PAK5: variants seen among roughly 807,000 people sequenced by gnomAD.
PAK5 encodes the protein serine/threonine-protein kinase PAK 5.
A neutral mutation model predicts 65.9 loss-of-function variants in PAK5; 16 were observed. That is an observed-to-expected ratio of 0.24 (90% CI 0.16 to 0.37). PAK5 has a LOEUF of 0.37. Among genes scored for constraint, PAK5 ranks in the 10% least tolerant of loss-of-function variants. The pLI, the probability that PAK5 is intolerant of heterozygous loss-of-function variation, is 1.00. For missense variants in PAK5, 785 were observed against 903.9 expected (o/e 0.87, Z 1.69); for synonymous variants, 371 against 354.9 (o/e 1.05, Z -0.51).
At chr20:9,610,032 A>G (rs953114901) in intron 3 of PAK5, among the ~76,000 whole-genome samples, 3 of 152,118 alleles carry the variant, frequency 2.0e-5, no homozygotes, top group African/African-American at 2.4e-5. Flanking sequence ...TTTGTTTTCT[A>G]AGAACAACAC....
intron 3 of PAK5, among the ~76,000 whole-genome samples, chr20:9,599,412 C>A (rs1189087245): frequency 1.3e-5 from 2 of 152,208 alleles, no homozygotes; most frequent in African/African-American, 4.8e-5. Context: ...GTTTAACCTT[C>A]TGAAGAATCA....
At chr20:9,557,564 A>G (rs773045795) in intron 7 of PAK5, 44 bp downstream of exon 7, 1 of 1,553,284 alleles carries the variant, frequency 6.4e-7, no homozygotes, top group South Asian at 1.2e-5. Context: ...TGACAGACAG[A>G]GTGACAAGAA....
At chr20:9,783,425 C>T (rs1284692540) in intron 1 of PAK5, among the ~76,000 whole-genome samples, 1 of 152,106 alleles carries the variant, frequency 6.6e-6, no homozygotes, top group African/African-American at 2.4e-5. Flanking sequence ...ATTTGAACAC[C>T]AGATTCTTTT....
At chr20:9,646,335 C>G (rs147269603) in intron 2 of PAK5, among the ~76,000 whole-genome samples, 25 of 152,176 alleles carry the variant, frequency 1.6e-4, no homozygotes, top group African/African-American at 4.8e-4. Context: ...CCCTGGACTC[C>G]GTCAAAACCC....
intron 1 of PAK5, among the ~76,000 whole-genome samples, chr20:9,768,982 G>A (rs142673030): frequency 2.0e-5 from 3 of 151,982 alleles, no homozygotes; most frequent in Non-Finnish European, 2.9e-5. Flanking sequence ...TAATTGCCCC[G>A]TTCATTTCTT....
chr20:9,708,338 TAAA>T (rs1205744084), intron 2 of PAK5, among the ~76,000 whole-genome samples: 1 of 152,156 alleles, frequency 6.6e-6, no homozygotes, highest in East Asian at 1.9e-4. Flanking sequence ...ATCTCTAAAT[TAAA>T]GACCGGAATA....
rs116620376 is a variant in PAK5, at chr20:9,785,386, C to A, written c.-162+53376G>T. Among the ~76,000 whole-genome samples the A allele has an allele frequency of 5.8e-3, 883 of 152,244 alleles. 6 individuals are homozygous for A. Among genetic ancestry groups the A allele is most frequent in the African/African-American group, 0.021 (857 of 41,544 alleles). ...AGGTTTGGTGATAAGGGACATTGAG[C>A]ACAGAATTTTAATGTTATATTTCAA... On this transcript the variant is annotated intron_variant, in intron 1 of 9. Transcript: ENST00000353224.
At chr20:9,751,788 C>T (rs2048579819) in intron 1 of PAK5, among the ~76,000 whole-genome samples, 2 of 152,050 alleles carry the variant, frequency 1.3e-5, no homozygotes, top group South Asian at 2.1e-4. Flanking sequence ...GGGTATGTTG[C>T]TATGAAAATA....
At chr20:9,815,654 A>T (rs142672940) in intron 1 of PAK5, among the ~76,000 whole-genome samples, 3 of 152,168 alleles carry the variant, frequency 2.0e-5, no homozygotes, top group African/African-American at 7.2e-5. Context: ...GTCCCTCATG[A>T]TTCAAAAATA....
At chr20:9,832,025 T>G (rs1713280453) in intron 1 of PAK5, among the ~76,000 whole-genome samples, 1 of 152,130 alleles carries the variant, frequency 6.6e-6, no homozygotes, top group Non-Finnish European at 1.5e-5. Context: ...TTTCACGTCA[T>G]TATATAATCT....
At chr20:9,699,953 A>G (rs1193716793) in intron 2 of PAK5, among the ~76,000 whole-genome samples, 1 of 152,202 alleles carries the variant, frequency 6.6e-6, no homozygotes, top group Admixed American at 6.5e-5. Context: ...AAAAGGAGAC[A>G]GTTAACTCAG....
intron 1 of PAK5, among the ~76,000 whole-genome samples, chr20:9,759,050 C>T (rs186257771): frequency 4.7e-4 from 72 of 152,182 alleles, no homozygotes; most frequent in African/African-American, 1.7e-3. Flanking sequence ...GTAATATTTG[C>T]TTGGCTCCTA....
intron 2 of PAK5, among the ~76,000 whole-genome samples, chr20:9,687,581 G>GA (rs1259117136): frequency 6.6e-6 from 1 of 152,080 alleles, no homozygotes. Flanking sequence ...GTTTCTCCAG[G>GA]TTTCATGTTT....
At chr20:9,545,784 A>C (rs1214614143) in intron 7 of PAK5, among the ~76,000 whole-genome samples, 1 of 152,194 alleles carries the variant, frequency 6.6e-6, no homozygotes, top group Non-Finnish European at 1.5e-5. Context: ...AAGTACTTCC[A>C]AACTCAGCAT....
chr20:9,633,977 A>G (rs1233980630), intron 3 of PAK5, among the ~76,000 whole-genome samples: 1 of 152,208 alleles, frequency 6.6e-6, no homozygotes, highest in Non-Finnish European at 1.5e-5. Context: ...AGTTCCAAGC[A>G]TGAGTGGGAG....
At chr20:9,675,261 G>A (rs2047554292) in intron 2 of PAK5, among the ~76,000 whole-genome samples, 6 of 152,068 alleles carry the variant, frequency 3.9e-5, no homozygotes, top group Admixed American at 3.9e-4. Context: ...GAGGAGAAGA[G>A]TTAAAGCAGT....
chr20:9,772,153 C>T (rs993737917), intron 1 of PAK5, among the ~76,000 whole-genome samples: 1 of 152,154 alleles, frequency 6.6e-6, no homozygotes, highest in African/African-American at 2.4e-5. Flanking sequence ...TTTCCGAAAA[C>T]TAAGGTTAAA....
At chr20:9,662,949 T>C (rs1472585682) in intron 2 of PAK5, among the ~76,000 whole-genome samples, 1 of 152,222 alleles carries the variant, frequency 6.6e-6, no homozygotes, top group Non-Finnish European at 1.5e-5. Context: ...TTTATTACAT[T>C]ATATTTAATG....
At chr20:9,722,726 A>G (rs775201099) in intron 1 of PAK5, among the ~76,000 whole-genome samples, 1 of 152,038 alleles carries the variant, frequency 6.6e-6, no homozygotes, top group Non-Finnish European at 1.5e-5. Flanking sequence ...TGTAAGTCCC[A>G]ATAGAATCCA....
Sources: allele counts gnomAD v4.1 joint callset (sites outside exome capture counted in the v4.1 genomes callset), GRCh38; gene constraint gnomAD v4.1.1; transcripts MANE v1.5; gene names NCBI Gene and HGNC (gene_info 2026-07-23, HGNC 2026-07-21).